Variants in RAPGEF2 observed in about 807,000 individuals in gnomAD.
The protein encoded by RAPGEF2 is PDZ domain containing guanine nucleotide exchange factor (GEF) 1.
A neutral mutation model predicts 186.7 loss-of-function variants in RAPGEF2; 54 were observed. The observed-to-expected ratio is 0.29, with a 90% CI of 0.23 to 0.36. The LOEUF is 0.36. Ranked by LOEUF, RAPGEF2 falls within the 10% of genes least tolerant of loss-of-function variation. RAPGEF2 has a pLI of 1.00. For synonymous variants in RAPGEF2, 712 were observed against 705.9 expected (o/e 1.01, Z -0.14); for missense variants, 1,532 against 2,045.0 (o/e 0.75, Z 4.84).
At chr4:159,355,267 A>G (rs941176592) in intron 28 of RAPGEF2, among the ~76,000 whole-genome samples, 1 of 152,202 alleles carries the variant, frequency 6.6e-6, no homozygotes, top group Non-Finnish European at 1.5e-5. Context: ...GACACCTTAT[A>G]GTAATAGTTT....
intron 4 of RAPGEF2, chr4:159,229,438 A>G (rs2111431110): frequency 6.6e-6 from 1 of 152,340 alleles, no homozygotes; most frequent in Non-Finnish European, 1.5e-5. Flanking sequence ...GGAGAGGAGA[A>G]TGTGGTCACA....
At chr4:159,189,901 TA>T (rs1367205296) in intron 2 of RAPGEF2, among the ~76,000 whole-genome samples, 2 of 152,248 alleles carry the variant, frequency 1.3e-5, no homozygotes, top group Non-Finnish European at 1.5e-5. Context: ...TGCATTGAAG[TA>T]AATCAAACCC....
chr4:159,337,628 G>A (rs558580236), intron 17 of RAPGEF2, among the ~76,000 whole-genome samples: 16 of 151,946 alleles, frequency 1.1e-4, no homozygotes, highest in African/African-American at 3.1e-4. Flanking sequence ...GGTGGCTCAC[G>A]CCTGTAATCC....
intron 8 of RAPGEF2, among the ~76,000 whole-genome samples, chr4:159,312,075 T>C (rs982758345): frequency 2.0e-5 from 3 of 152,168 alleles, no homozygotes; most frequent in Non-Finnish European, 4.4e-5. Flanking sequence ...TATGTTCTGC[T>C]TAAGCCTTAA....
At chr4:159,346,682 T>C in intron 24 of RAPGEF2, 107 bp from the exon 25 acceptor site, 2 of 914,542 alleles carry the variant, frequency 2.2e-6, no homozygotes, top group Non-Finnish European at 3.4e-6. Context: ...TGCATTAATT[T>C]AGTATTCTAA....
Position 159,170,544 on chromosome 4 carries a change from G to GGC in RAPGEF2, c.70-16097_70-16096dup, listed in dbSNP as rs549505037. On this transcript the variant is annotated intron_variant, in intron 1 of 29. Coordinates refer to ENST00000691494, the MANE Select transcript of RAPGEF2 (RefSeq NM_001394067.2). ...GATAATATATGGAAGGATGTGCATA[G>GGC]GCTACACGCAAACCCTATGCCATTT... Among the ~76,000 whole-genome samples, 40 of 152,264 alleles carry GGC rather than the reference G, an allele frequency of 2.6e-4. No individual in the cohort carries two copies. The South Asian group carries it at 7.5e-3, about 28-fold the overall frequency.
intron 7 of RAPGEF2, chr4:159,267,136 G>A (rs1757528368): frequency 1.1e-5 from 14 of 1,265,132 alleles, no homozygotes; most frequent in Non-Finnish European, 1.4e-5. Flanking sequence ...ACTGCATTGA[G>A]TGTGAGCCTT....
chr4:159,323,720 AT>A (rs33969988), intron 11 of RAPGEF2, 103 bp downstream of exon 11: 31,809 of 480,954 alleles, frequency 0.066, 33 homozygotes, highest in East Asian at 0.15. Flanking sequence ...CTTACAAATA[AT>A]TTTTTTTTTT....
Position 159,332,555 on chromosome 4 carries a change from G to C in RAPGEF2, c.1993G>C (p.Asp665His). The C allele has an allele frequency of 6.2e-7, 1 of 1,614,124 alleles. No individual in the cohort carries two copies. The highest frequency in any genetic ancestry group is 8.5e-7 in the Non-Finnish European group (1 of 1,180,012). The change falls in exon 17 of 30, where the codon GAT becomes CAT. Residue 665 changes from aspartate (D) to histidine (H), a missense_variant. Asp to His is a moderately conservative substitution (Grantham distance 81, BLOSUM62 -1). Around this residue, in one of 4 missense-constraint regions of RAPGEF2, gnomAD observed 810 missense variants for 1,210.5 expected, o/e 0.67. Coordinates refer to ENST00000691494, the MANE Select transcript of RAPGEF2 (RefSeq NM_001394067.2). The stretch of plus-strand genomic sequence containing the variant: ...AAAGGCCAGTCGCTACTCCATTCCA[G>C]ATCTTGCTGTAGATGTAGAACAGGT... ...IKKASRYSIP[D>H]LAVDVEQVIG... is the part of the protein sequence containing the mutation.
intron 23 of RAPGEF2, among the ~76,000 whole-genome samples, chr4:159,344,589 C>T (rs1413803474): frequency 6.6e-6 from 1 of 152,154 alleles, no homozygotes; most frequent in Non-Finnish European, 1.5e-5. Context: ...GGTTTCCATA[C>T]ATATATGTTT....
At chr4:159,345,695 G>T (rs1730194340) in intron 24 of RAPGEF2, among the ~76,000 whole-genome samples, 1 of 152,008 alleles carries the variant, frequency 6.6e-6, no homozygotes, top group South Asian at 2.1e-4. Context: ...CCTGAGGGGA[G>T]TCAGGGCATA....
chr4:159,322,122 A>C (rs1048881895), intron 9 of RAPGEF2, among the ~76,000 whole-genome samples: 1 of 152,220 alleles, frequency 6.6e-6, no homozygotes, highest in Non-Finnish European at 1.5e-5. Context: ...GTTACAATAA[A>C]AACTGTTGCC....
intron 7 of RAPGEF2, among the ~76,000 whole-genome samples, chr4:159,250,363 A>G (rs377171525): frequency 6.6e-6 from 1 of 152,210 alleles, no homozygotes; most frequent in African/African-American, 2.4e-5. Context: ...TGGTAGTTGG[A>G]TGCAATATGA....
chr4:159,169,285 A>G lies in RAPGEF2; in HGVS notation c.70-17357A>G, dbSNP rs143850044. ...AATTAAATACTCAATTACACGTCAAATTCTGCTGTTCTCTTGTTTTTAAAA... is the reference window on the plus strand; with the variant it reads ...AATTAAATACTCAATTACACGTCAAGTTCTGCTGTTCTCTTGTTTTTAAAA... On this transcript the variant is annotated intron_variant, in intron 1 of 29. Coordinates refer to ENST00000691494, the MANE Select transcript of RAPGEF2 (RefSeq NM_001394067.2). Among the ~76,000 whole-genome samples the G allele has an allele frequency of 6.3e-3, 959 of 152,314 alleles. 59 individuals carry two copies. In the South Asian group the frequency reaches 0.12, roughly 18 times the overall value.
At chr4:159,244,513 G>T (rs1754382735) in intron 7 of RAPGEF2, among the ~76,000 whole-genome samples, 1 of 151,872 alleles carries the variant, frequency 6.6e-6, no homozygotes, top group African/African-American at 2.4e-5. Context: ...TTTTCATTAT[G>T]AGTTCTTTGA....
intron 17 of RAPGEF2, 40 bp downstream of exon 17, chr4:159,332,737 T>A: frequency 6.3e-7 from 1 of 1,594,854 alleles, no homozygotes; most frequent in Non-Finnish European, 8.6e-7. Context: ...TATTTTATTT[T>A]GTTAAAATGA....
chr4:159,119,392 G>A lies in RAPGEF2; in HGVS notation c.69+15161G>A, dbSNP rs890306508. Among the ~76,000 whole-genome samples, 25 of 152,156 alleles carry A rather than the reference G, an allele frequency of 1.6e-4. 1 individual carries two copies. The highest frequency in any genetic ancestry group is 3.2e-4 in the Non-Finnish European group (22 of 68,034). On this transcript the variant is annotated intron_variant, in intron 1 of 29. Transcript: ENST00000691494. ...CTAGATACTTATTGGCTAAGGCTGT[G>A]TCACATGGCTACTCTTGGCTGCAAA...
intron 1 of RAPGEF2, among the ~76,000 whole-genome samples, chr4:159,105,601 C>CT: frequency 6.6e-6 from 1 of 152,178 alleles, no homozygotes; most frequent in East Asian, 1.9e-4. Flanking sequence ...TTCTAAAAGA[C>CT]TATTTTTATC....
At chr4:159,139,057 G>A (rs1029054581) in intron 1 of RAPGEF2, among the ~76,000 whole-genome samples, 2 of 152,184 alleles carry the variant, frequency 1.3e-5, no homozygotes, top group Non-Finnish European at 2.9e-5. Context: ...TCATAATGGT[G>A]TAAAGCTCTA....
Sources: gnomAD v4.1 joint callset for allele counts (sites outside exome capture counted in the v4.1 genomes callset) on GRCh38, gnomAD v4.1.1 for gene constraint, gnomAD v4.1.1 regional missense constraint, MANE v1.5 for transcripts, NCBI Gene and HGNC (gene_info 2026-07-23, HGNC 2026-07-21) for gene names.